DLGAP2: variants seen among roughly 807,000 people sequenced by gnomAD.
DLGAP2 encodes disks large-associated protein 2.
A neutral mutation model predicts 100.3 loss-of-function variants in DLGAP2; 26 were observed. The observed-to-expected ratio is 0.26, with a 90% CI of 0.19 to 0.36. The LOEUF (loss-of-function observed/expected upper bound fraction) is 0.36. Among genes scored for constraint, DLGAP2 ranks in the 10% least tolerant of loss-of-function variants. DLGAP2 has a pLI of 1.00. For missense variants in DLGAP2, 1,858 were observed against 1,453.2 expected (o/e 1.28, Z -4.53); for synonymous variants, 886 against 630.1 (o/e 1.41, Z -6.08).
At chr8:1,097,474 G>T (rs1456437500) in intron 2 of DLGAP2, among the ~76,000 whole-genome samples, 1 of 135,980 alleles carries the variant, frequency 7.4e-6, no homozygotes, top group Non-Finnish European at 1.6e-5. Context: ...CAAGCTGGGA[G>T]CCTAGGGCAG....
chr8:917,119 G>T (rs1798610235), intron 2 of DLGAP2, among the ~76,000 whole-genome samples: 1 of 152,194 alleles, frequency 6.6e-6, no homozygotes, highest in Admixed American at 6.5e-5. Flanking sequence ...TTTCAGGAGT[G>T]AAGGGCCGGG....
At chr8:1,123,815 A>G (rs1461456544) in intron 2 of DLGAP2, among the ~76,000 whole-genome samples, 1 of 152,110 alleles carries the variant, frequency 6.6e-6, no homozygotes, top group Non-Finnish European at 1.5e-5. Flanking sequence ...ATATTAATTA[A>G]TAATGTCAAG....
chr8:1,215,456 C>T (rs1235369718), intron 2 of DLGAP2, among the ~76,000 whole-genome samples: 2 of 145,092 alleles, frequency 1.4e-5, no homozygotes, highest in Admixed American at 6.9e-5. Context: ...CATTTGGGTG[C>T]ATCACCTGGA....
Position 1,697,314 on chromosome 8 carries a change from G to C in DLGAP2, c.2949+15G>C. Reference sequence around the variant, plus strand: ...CGGAAAGAAAGGTAAGGGCATCCATGCAGGGCCGGCTCCCAGCAAACCCCC... The same window carrying C: ...CGGAAAGAAAGGTAAGGGCATCCATCCAGGGCCGGCTCCCAGCAAACCCCC... On this transcript the variant is annotated intron_variant, in intron 14 of 14. Transcript: ENST00000637795. 1 of 1,581,964 alleles carries C rather than the reference G, an allele frequency of 6.3e-7. No individual in the cohort carries two copies.
chr8:1,160,872 G>C (rs953732150), intron 2 of DLGAP2, among the ~76,000 whole-genome samples: 8 of 152,196 alleles, frequency 5.3e-5, no homozygotes, highest in African/African-American at 1.9e-4. Flanking sequence ...GTTTAAATCT[G>C]AGTCTAGCAA....
intron 2 of DLGAP2, among the ~76,000 whole-genome samples, chr8:1,182,267 C>T (rs17815735): frequency 2.0e-5 from 3 of 152,190 alleles, no homozygotes; most frequent in East Asian, 1.9e-4. Flanking sequence ...CTGTTTTGGA[C>T]AAATGGAGAA....
rs565507706 is a variant in DLGAP2 at position 771,752 on chromosome 8, T to G, written c.18+33927T>G. On this transcript the variant is annotated intron_variant, in intron 1 of 14. Transcript: ENST00000637795. ...AGAAGCTCCTTTATTTTAAAATGACTTTGTTTAAAAAGTTATGGAAGTAAT... is the reference window on the plus strand; with the variant it reads ...AGAAGCTCCTTTATTTTAAAATGACGTTGTTTAAAAAGTTATGGAAGTAAT... Among the ~76,000 whole-genome samples, 4 of 152,332 alleles carry G rather than the reference T, an allele frequency of 2.6e-5. No individual in the cohort carries two copies. In the South Asian group the frequency reaches 8.3e-4, roughly 32 times the overall value.
chr8:1,423,759 G>T (rs1563138106), intron 3 of DLGAP2, among the ~76,000 whole-genome samples: 1 of 152,164 alleles, frequency 6.6e-6, no homozygotes, highest in Non-Finnish European at 1.5e-5. Context: ...AGACAGCCAG[G>T]GCTAGTGGCA....
At position 1,626,913 on chromosome 8, in the gene DLGAP2, C is replaced by G. The variant is rs774380041; in HGVS notation, c.1590+26C>G. 3.8e-6 allele frequency: 6 copies of G among 1,567,194 alleles called. No homozygotes were observed. In the South Asian group the frequency reaches 5.9e-5, roughly 15 times the overall value. On this transcript the variant is annotated intron_variant, in intron 7 of 14. Transcript: ENST00000637795. ...GTCAGGGTCCCTTCGCCCTTTCTCC[C>G]TGGGGTCCAGTCTCCCCAGCCAGGC...
chr8:1,623,837 A>G (rs993983699), intron 6 of DLGAP2, among the ~76,000 whole-genome samples: 5 of 152,276 alleles, frequency 3.3e-5, no homozygotes, highest in Non-Finnish European at 5.9e-5. Context: ...GTAATCTTGC[A>G]TAGAAAATGT....
intron 6 of DLGAP2, among the ~76,000 whole-genome samples, chr8:1,600,421 C>G (rs182737506): frequency 3.3e-5 from 5 of 152,234 alleles, no homozygotes; most frequent in Admixed American, 1.3e-4. Flanking sequence ...GTTGGCCTTT[C>G]TTGCTAGGTT....
chr8:802,110 A>C (rs62488814), intron 1 of DLGAP2, among the ~76,000 whole-genome samples: 2,660 of 29,338 alleles, frequency 0.091, 3 homozygotes, highest in East Asian at 0.14. Context: ...TGGTCCACAC[A>C]CCTCCTGGGC....
At chr8:1,119,270 G>T (rs1369320794) in intron 2 of DLGAP2, among the ~76,000 whole-genome samples, 1 of 152,154 alleles carries the variant, frequency 6.6e-6, no homozygotes, top group Non-Finnish European at 1.5e-5. Context: ...TTTTATTTCA[G>T]CCTTTGACAT....
At chr8:1,392,615 A>T (rs1311127514) in intron 3 of DLGAP2, among the ~76,000 whole-genome samples, 1 of 152,110 alleles carries the variant, frequency 6.6e-6, no homozygotes, top group Non-Finnish European at 1.5e-5. Flanking sequence ...TTTAACTGTG[A>T]CCCTACATGG....
At chr8:1,379,947 T>C (rs913135331) in intron 3 of DLGAP2, among the ~76,000 whole-genome samples, 2 of 150,136 alleles carry the variant, frequency 1.3e-5, no homozygotes, top group African/African-American at 4.9e-5. Context: ...TTCCCTCCCC[T>C]CCTGCTCGGT....
intron 2 of DLGAP2, among the ~76,000 whole-genome samples, chr8:1,126,287 A>C (rs1454097596): frequency 6.6e-6 from 1 of 152,200 alleles, no homozygotes; most frequent in East Asian, 1.9e-4. Context: ...AGCTTCCTCC[A>C]TATATAAAAA....
At chr8:1,045,685 G>A (rs1375251800) in intron 2 of DLGAP2, among the ~76,000 whole-genome samples, 2 of 152,176 alleles carry the variant, frequency 1.3e-5, no homozygotes, top group Non-Finnish European at 2.9e-5. Context: ...CGCTGCTTCT[G>A]TGAGTTCTCT....
intron 2 of DLGAP2, among the ~76,000 whole-genome samples, chr8:1,061,339 C>G (rs543968853): frequency 1.3e-5 from 2 of 152,138 alleles, no homozygotes; most frequent in Non-Finnish European, 2.9e-5. Flanking sequence ...CTACCATCAG[C>G]TTTCTTTGTA....
intron 3 of DLGAP2, chr8:1,377,968 C>A (rs1000487184): frequency 2.6e-5 from 4 of 152,572 alleles, no homozygotes; most frequent in African/African-American, 9.6e-5. Flanking sequence ...GCAGCCTCCC[C>A]CAGGGCCTTT....
Sources: gnomAD v4.1 joint callset for allele counts (sites outside exome capture counted in the v4.1 genomes callset) on GRCh38, gnomAD v4.1.1 for gene constraint, MANE v1.5 for transcripts, NCBI Gene and HGNC (gene_info 2026-07-23, HGNC 2026-07-21) for gene names.